Variants in EIF4G3 observed in about 807,000 individuals in gnomAD.
EIF4G3 encodes eukaryotic translation initiation factor 4 gamma 3.
A neutral mutation model predicts 186.4 loss-of-function variants in EIF4G3; 34 were observed. The observed-to-expected ratio is 0.18, with a 90% CI of 0.14 to 0.24. The LOEUF is 0.24. Among genes scored for constraint, EIF4G3 ranks in the 10% least tolerant of loss-of-function variants. EIF4G3 has a pLI of 1.00. For synonymous variants in EIF4G3, 673 were observed against 679.5 expected (o/e 0.99, Z 0.15); for missense variants, 1,536 against 1,948.5 (o/e 0.79, Z 3.99).
chr1:20,965,770 A>G (rs1006078958), intron 12 of EIF4G3, among the ~76,000 whole-genome samples: 9 of 106,696 alleles, frequency 8.4e-5, no homozygotes, highest in African/African-American at 2.9e-4. Flanking sequence ...TTGTAATATT[A>G]GTAATAGATA....
chr1:20,839,421 T>G (rs1314446504), intron 30 of EIF4G3, among the ~76,000 whole-genome samples: 1 of 152,172 alleles, frequency 6.6e-6, no homozygotes, highest in East Asian at 1.9e-4. Context: ...AGAAAACTTT[T>G]TAATGGTCCT....
chr1:20,864,395 G>A (rs1385884742), intron 22 of EIF4G3, 81 bp downstream of exon 22: 7 of 1,010,416 alleles, frequency 6.9e-6, no homozygotes, highest in Non-Finnish European at 9.1e-6. Flanking sequence ...GGAAAAGATA[G>A]AACTATTCTG....
At chr1:20,918,495 A>G (rs1325570718) in intron 14 of EIF4G3, among the ~76,000 whole-genome samples, 1 of 152,114 alleles carries the variant, frequency 6.6e-6, no homozygotes, top group Non-Finnish European at 1.5e-5. Flanking sequence ...GGCATGAGCC[A>G]CAGCACCTAG....
rs1052684893 is a variant in EIF4G3 at position 21,126,466 on chromosome 1, G to T, written c.-271-37253C>A. 4.6e-5 allele frequency among the ~76,000 whole-genome samples: 7 copies of T among 152,106 alleles called. 1 individual carries two copies. In the South Asian group the frequency reaches 1.5e-3, roughly 32 times the overall value. On this transcript the variant is annotated intron_variant, in intron 2 of 36. Transcript: ENST00000602326. Reference sequence around the variant, plus strand: ...GCTTGAGGCCAGTAGTTCAAGATCAGCCTGGGCAACACAGCAAGCCGCCAT... The same window carrying T: ...GCTTGAGGCCAGTAGTTCAAGATCATCCTGGGCAACACAGCAAGCCGCCAT...
intron 4 of EIF4G3, among the ~76,000 whole-genome samples, chr1:21,017,647 A>G (rs2089560764): frequency 6.7e-6 from 1 of 150,076 alleles, no homozygotes; most frequent in Non-Finnish European, 1.5e-5. Context: ...AAAAAAAAAA[A>G]AAAAAAAGAA....
At chr1:20,845,384 T>G (rs375072712) in intron 29 of EIF4G3, among the ~76,000 whole-genome samples, 1 of 152,152 alleles carries the variant, frequency 6.6e-6, no homozygotes, top group Non-Finnish European at 1.5e-5. Context: ...TGAAGTAGGC[T>G]GGGCGCGGTG....
At chr1:21,163,974 A>G (rs1185873420) in intron 2 of EIF4G3, among the ~76,000 whole-genome samples, 1 of 152,000 alleles carries the variant, frequency 6.6e-6, no homozygotes, top group Non-Finnish European at 1.5e-5. Flanking sequence ...GGGTTTCTCC[A>G]TGTCGGCCAG....
At chr1:20,950,902 A>G (rs189279397) in intron 12 of EIF4G3, among the ~76,000 whole-genome samples, 2 of 152,304 alleles carry the variant, frequency 1.3e-5, no homozygotes, top group Admixed American at 1.3e-4. Flanking sequence ...TCTACATCAC[A>G]TTCTAGGCAG....
chr1:20,883,356 C>T (rs149813581), intron 19 of EIF4G3, among the ~76,000 whole-genome samples: 8 of 152,196 alleles, frequency 5.3e-5, no homozygotes, highest in Middle Eastern at 3.4e-3. Flanking sequence ...TGGTGGCTCA[C>T]GCCTGTAATC....
chr1:20,965,721 T>C (rs1044885083), intron 12 of EIF4G3, among the ~76,000 whole-genome samples: 11 of 70,754 alleles, frequency 1.6e-4, no homozygotes, highest in African/African-American at 4.3e-4. Flanking sequence ...CTTCCCACGT[T>C]CTTCCAGTCA....
intron 2 of EIF4G3, among the ~76,000 whole-genome samples, chr1:21,101,027 G>C (rs1427563454): frequency 6.6e-6 from 1 of 152,060 alleles, no homozygotes; most frequent in Non-Finnish European, 1.5e-5. Flanking sequence ...GTCAAAGCAC[G>C]CTTATACTAA....
At chr1:21,073,682 A>G (rs1386576601) in intron 3 of EIF4G3, 1 of 517,132 alleles carries the variant, frequency 1.9e-6, no homozygotes, top group African/African-American at 1.9e-5. Context: ...AAAGGTCGAC[A>G]ATTCTATTAC....
At chr1:21,006,503 A>G (rs1046448909) in intron 4 of EIF4G3, among the ~76,000 whole-genome samples, 1 of 152,224 alleles carries the variant, frequency 6.6e-6, no homozygotes, top group African/African-American at 2.4e-5. Flanking sequence ...TGAGTTACAG[A>G]CATCTGTTCT....
Position 21,115,706 on chromosome 1 carries a change from T to TTTG in EIF4G3, c.-271-26496_-271-26494dup, listed in dbSNP as rs140196601. On this transcript the variant is annotated intron_variant, in intron 2 of 36. Coordinates refer to ENST00000602326, the MANE Select transcript of EIF4G3 (RefSeq NM_001391906.1). ...TAAATGAGACGATTTATTAGAATAATTTGTTGTTGTTGTTGTTGTTGTTTT... is the reference window on the plus strand; with the variant it reads ...TAAATGAGACGATTTATTAGAATAATTTGTTGTTGTTGTTGTTGTTGTTGTTTT... 8.8e-3 allele frequency among the ~76,000 whole-genome samples: 1,332 copies of TTTG among 151,998 alleles called. 42 individuals are homozygous for TTTG. The highest frequency in any genetic ancestry group is 0.049 in the Admixed American group (747 of 15,248).
At chr1:20,954,124 A>G (rs372487580) in intron 12 of EIF4G3, among the ~76,000 whole-genome samples, 4 of 152,390 alleles carry the variant, frequency 2.6e-5, no homozygotes, top group Middle Eastern at 3.4e-3. Context: ...TACTGTCATC[A>G]TAAGAATCCC....
At chr1:20,822,132 T>A in intron 33 of EIF4G3, among the ~76,000 whole-genome samples, 1 of 152,168 alleles carries the variant, frequency 6.6e-6, no homozygotes, top group Non-Finnish European at 1.5e-5. Context: ...CGCCTCGGCC[T>A]CTCAAAGTGC....
intron 7 of EIF4G3, among the ~76,000 whole-genome samples, chr1:20,986,793 C>T (rs1053392153): frequency 7.1e-6 from 1 of 140,426 alleles, no homozygotes; most frequent in South Asian, 2.5e-4. Flanking sequence ...ATAAATGTCA[C>T]TTATCCAAGT....
intron 4 of EIF4G3, among the ~76,000 whole-genome samples, chr1:21,023,316 G>A (rs1429363703): frequency 2.9e-5 from 4 of 136,552 alleles, no homozygotes; most frequent in Admixed American, 1.5e-4. Flanking sequence ...CCTCTCATGC[G>A]GAGCCAAAGC....
chr1:20,980,140 A>AGCC, intron 10 of EIF4G3, among the ~76,000 whole-genome samples, 194 bp downstream of exon 10: 1 of 152,290 alleles, frequency 6.6e-6, no homozygotes, highest in South Asian at 2.1e-4. Flanking sequence ...GTTTAAGACC[A>AGCC]GCCTGACTAA....
Sources: allele counts gnomAD v4.1 joint callset (sites outside exome capture counted in the v4.1 genomes callset), GRCh38; gene constraint gnomAD v4.1.1; transcripts MANE v1.5; gene names NCBI Gene and HGNC (gene_info 2026-07-23, HGNC 2026-07-21).